Variants in ENTREP2 observed in about 807,000 individuals in gnomAD.
ENTREP2 encodes the protein protein ENTREP2.
At chr15:29,306,611 C>G in the ENTREP2 span, among the ~76,000 whole-genome samples, 21 of 139,166 alleles carry the variant, frequency 1.5e-4, no homozygotes, top group Non-Finnish European at 1.9e-4. Flanking sequence ...CATATTTTTT[C>G]TCAAGAGGAA....
At chr15:29,662,211 C>CAAAAAAAAAAAAAAA in the ENTREP2 span, among the ~76,000 whole-genome samples, 1 of 46,942 alleles carries the variant, frequency 2.1e-5, no homozygotes, top group Non-Finnish European at 4.3e-5. Context: ...AACCCTGTCG[C>CAAAAAAAAAAAAAAA]AAAAAAAAAA....
the ENTREP2 span, among the ~76,000 whole-genome samples, chr15:29,560,726 T>C: frequency 1.2e-4 from 19 of 152,114 alleles, no homozygotes; most frequent in South Asian, 1.0e-3. Context: ...TTGCCCACCA[T>C]TGAGGGCCCT....
chr15:29,254,839 C>T, the ENTREP2 span, among the ~76,000 whole-genome samples: 5 of 152,054 alleles, frequency 3.3e-5, no homozygotes, highest in Admixed American at 1.3e-4. Flanking sequence ...AGCGAGACTC[C>T]GTCAAAACAA....
chr15:29,512,637 G>C, the ENTREP2 span, among the ~76,000 whole-genome samples: 2 of 152,190 alleles, frequency 1.3e-5, no homozygotes, highest in Non-Finnish European at 2.9e-5. Context: ...CACCATGCAA[G>C]GACACAGCAA....
chr15:29,553,331 T>C, the ENTREP2 span, among the ~76,000 whole-genome samples: 1 of 152,170 alleles, frequency 6.6e-6, no homozygotes, highest in East Asian at 1.9e-4. Context: ...TGTAAAGTTG[T>C]TAATTCTCCC....
the ENTREP2 span, among the ~76,000 whole-genome samples, chr15:29,161,339 A>G: frequency 4.6e-5 from 7 of 152,194 alleles, no homozygotes; most frequent in Non-Finnish European, 8.8e-5. Context: ...ATGTGCAGGC[A>G]TCCGTGGTGG....
chr15:29,363,590 T>TA, the ENTREP2 span, among the ~76,000 whole-genome samples: 817 of 152,132 alleles, frequency 5.4e-3, 8 homozygotes, highest in African/African-American at 0.019. Flanking sequence ...GAGAGAGAAA[T>TA]AAAAAAACCA....
chr15:29,331,255 C>T, the ENTREP2 span, among the ~76,000 whole-genome samples: 5 of 152,286 alleles, frequency 3.3e-5, no homozygotes, highest in South Asian at 2.1e-4. Context: ...CAATAGCTGA[C>T]GTCTGTGCCG....
the ENTREP2 span, among the ~76,000 whole-genome samples, chr15:29,622,466 C>T: frequency 6.6e-6 from 1 of 152,072 alleles, no homozygotes. Context: ...CCTCGGCCTC[C>T]CAAAGTGCTA....
the ENTREP2 span, among the ~76,000 whole-genome samples, chr15:29,464,730 G>T: frequency 6.6e-6 from 1 of 152,140 alleles, no homozygotes; most frequent in Non-Finnish European, 1.5e-5. Flanking sequence ...GGCCCCCTGG[G>T]CAGGGGGCAG....
the ENTREP2 span, among the ~76,000 whole-genome samples, chr15:29,431,567 C>A: frequency 6.6e-6 from 1 of 152,052 alleles, no homozygotes; most frequent in Non-Finnish European, 1.5e-5. Context: ...GAAACCCTCT[C>A]CCAAAATTTA....
At chr15:29,477,750 G>A in the ENTREP2 span, among the ~76,000 whole-genome samples, 1 of 152,022 alleles carries the variant, frequency 6.6e-6, no homozygotes, top group African/African-American at 2.4e-5. Flanking sequence ...ATACACAGGG[G>A]AGACTCAAGG....
chr15:29,460,059 C>T, the ENTREP2 span, among the ~76,000 whole-genome samples: 1 of 152,016 alleles, frequency 6.6e-6, no homozygotes, highest in Non-Finnish European at 1.5e-5. Flanking sequence ...CCAGCCTGGG[C>T]AACACAGCAA....
chr15:29,135,231 G>A, the ENTREP2 span, among the ~76,000 whole-genome samples: 3 of 152,062 alleles, frequency 2.0e-5, no homozygotes, highest in African/African-American at 4.8e-5. The surrounding 1 kb of genome is among the most constrained non-coding windows in gnomAD (Gnocchi z 7.4). Flanking sequence ...GACCTCCTTG[G>A]CCACCTGTCA....
the ENTREP2 span, among the ~76,000 whole-genome samples, chr15:29,379,645 TGCTTCCCTG>T: frequency 2.0e-5 from 3 of 152,246 alleles, no homozygotes; most frequent in Non-Finnish European, 2.9e-5. Flanking sequence ...GACCCCAGCC[TGCTTCCCTG>T]GCTTCCCTGG....
chr15:29,359,213 C>T, the ENTREP2 span, among the ~76,000 whole-genome samples: 2 of 152,066 alleles, frequency 1.3e-5, no homozygotes, highest in African/African-American at 2.4e-5. Context: ...TAGCTGTGGG[C>T]CAGGGCAGAA....
At chr15:29,184,228 G>A in the ENTREP2 span, among the ~76,000 whole-genome samples, 9 of 152,298 alleles carry the variant, frequency 5.9e-5, no homozygotes, top group African/African-American at 9.6e-5. Flanking sequence ...CAAGCGATCC[G>A]CCGGCCTCGG....
At chr15:29,215,762 A>T in the ENTREP2 span, among the ~76,000 whole-genome samples, 2 of 151,676 alleles carry the variant, frequency 1.3e-5, no homozygotes, top group African/African-American at 2.4e-5. Flanking sequence ...GCCTTTTTCC[A>T]CCTCTTTAAG....
At chr15:29,161,305 G>A in the ENTREP2 span, among the ~76,000 whole-genome samples, 1 of 152,190 alleles carries the variant, frequency 6.6e-6, no homozygotes, top group Admixed American at 6.5e-5. Flanking sequence ...CAGTGTTTCT[G>A]CCCCATAACG....
Sources: gnomAD v4.1 joint callset for allele counts (sites outside exome capture counted in the v4.1 genomes callset) on GRCh38, gnomAD v4.1.1 for gene constraint, Gnocchi (gnomAD v3.1) non-coding constraint, MANE v1.5 for transcripts, NCBI Gene and HGNC (gene_info 2026-07-23, HGNC 2026-07-21) for gene names.